DENND4C: variants seen among roughly 807,000 people sequenced by gnomAD.
The protein encoded by DENND4C is DENN domain-containing protein 4C.
Under a neutral mutation model 203.0 loss-of-function variants are expected in DENND4C, and 108 were observed. The observed-to-expected ratio is 0.53, with a 90% CI of 0.46 to 0.62. The LOEUF (loss-of-function observed/expected upper bound fraction) is 0.62, where lower values mean the gene tolerates loss of function less well. DENND4C is among the 20% of genes least tolerant of loss of function. The pLI is 0.00. For synonymous variants in DENND4C, 871 were observed against 792.4 expected (o/e 1.10, Z -1.67); for missense variants, 2,481 against 2,301.2 (o/e 1.08, Z -1.60).
chr9:19,287,518 C>G (rs1242519443), intron 3 of DENND4C, among the ~76,000 whole-genome samples: 4 of 151,978 alleles, frequency 2.6e-5, no homozygotes, highest in African/African-American at 7.2e-5. Context: ...GTAGCTGGGA[C>G]TACAGGATAG....
At chr9:19,371,206 T>C (rs1346377565) in intron 31 of DENND4C, among the ~76,000 whole-genome samples, 1 of 152,234 alleles carries the variant, frequency 6.6e-6, no homozygotes, top group African/African-American at 2.4e-5. Context: ...TTTTAGTGTT[T>C]CATTTGTAAC....
chr9:19,275,704 C>G (rs1483373999), intron 1 of DENND4C, among the ~76,000 whole-genome samples: 1 of 152,022 alleles, frequency 6.6e-6, no homozygotes, highest in Non-Finnish European at 1.5e-5. Flanking sequence ...CTCCTGACCT[C>G]AGGTGATCCA....
intron 1 of DENND4C, among the ~76,000 whole-genome samples, chr9:19,239,835 T>G (rs912482735): frequency 6.6e-6 from 1 of 152,204 alleles, no homozygotes; most frequent in African/African-American, 2.4e-5. Context: ...GTCCAGCATA[T>G]GGTTTATCTT....
At position 19,249,419 on chromosome 9, in the gene DENND4C, A is replaced by T. The variant is rs556510058; in HGVS notation, c.-18+18586A>T. ...AGGTGCCTGCCACCATGCCCGGCTA[A>T]TTTTTTTTGTATTTTTAGTAGAGAC... On this transcript the variant is annotated intron_variant, in intron 1 of 32. Transcript: ENST00000434457. 2.0e-5 allele frequency among the ~76,000 whole-genome samples: 3 copies of T among 151,182 alleles called. No individual in the cohort carries two copies. The South Asian group carries it at 6.3e-4, about 32-fold the overall frequency.
intron 10 of DENND4C, among the ~76,000 whole-genome samples, chr9:19,316,078 A>G (rs528958195): frequency 2.0e-5 from 3 of 152,324 alleles, no homozygotes; most frequent in South Asian, 4.1e-4. Context: ...TTTGAAGCCT[A>G]CCAGTAGGTA....
At chr9:19,250,164 A>C (rs1826205349) in intron 1 of DENND4C, among the ~76,000 whole-genome samples, 1 of 152,068 alleles carries the variant, frequency 6.6e-6, no homozygotes, top group Admixed American at 6.6e-5. Flanking sequence ...CATGGCTGAC[A>C]TACCCAAGTG....
rs1828974039 is a variant in DENND4C, at chr9:19,372,236, C to G, written c.*63C>G. The stretch of plus-strand genomic sequence containing the variant: ...GGATTAGATTTCATCTGGAAACATT[C>G]AAGTTTTTTTTTCCAAATCGTAAGA... On this transcript the variant is annotated 3_prime_UTR_variant, in exon 33 of 33. Coordinates refer to ENST00000434457, the MANE Select transcript of DENND4C (RefSeq NM_001330640.2). 1.9e-6 allele frequency: 3 copies of G among 1,548,438 alleles called. No individual in the cohort carries two copies. The highest frequency in any genetic ancestry group is 1.7e-6 in the Non-Finnish European group (2 of 1,147,998).
chr9:19,295,959 T>A (rs1837379026), intron 5 of DENND4C, 49 bp from the exon 6 acceptor site: 3 of 1,402,586 alleles, frequency 2.1e-6, no homozygotes, highest in Middle Eastern at 1.8e-4. Context: ...GAGAAGTTAA[T>A]TTTTTCAAAC....
intron 9 of DENND4C, among the ~76,000 whole-genome samples, chr9:19,304,923 T>A (rs1016616128): frequency 3.6e-4 from 54 of 151,286 alleles, no homozygotes; most frequent in African/African-American, 1.0e-3. Context: ...TTTTTTTTTT[T>A]AAATCCTGGA....
chr9:19,315,503 A>G (rs1209640298), intron 10 of DENND4C, among the ~76,000 whole-genome samples: 2 of 150,964 alleles, frequency 1.3e-5, no homozygotes, highest in African/African-American at 4.9e-5. Flanking sequence ...ATATATATAT[A>G]TACATGTATG....
rs1829070365 is a variant in DENND4C at position 19,372,875 on chromosome 9, A to AAAAAAAG, written c.*707_*708insAGAAAAA. The AAAAAAAG allele has an allele frequency of 6.6e-6, 1 of 152,210 alleles. No homozygotes were observed. Among genetic ancestry groups the AAAAAAAG allele is most frequent in the Non-Finnish European group, 1.5e-5 (1 of 68,276 alleles). The allele number at this position is 152,210 out of a possible 1,614,324, so 9.4% of individuals were successfully genotyped here. The stretch of plus-strand genomic sequence containing the variant: ...GACCGTCTCAAAAAAAAAAAAAAAA[A>AAAAAAAG]AAAAAGAGAGCAACATATTTGTGTA... On this transcript the variant is annotated 3_prime_UTR_variant, in exon 33 of 33. Transcript: ENST00000434457.
chr9:19,266,904 G>A (rs754048515), intron 1 of DENND4C, among the ~76,000 whole-genome samples: 1 of 152,106 alleles, frequency 6.6e-6, no homozygotes, highest in Non-Finnish European at 1.5e-5. Context: ...TACCATTCAG[G>A]ACATAGGTAT....
At chr9:19,234,842 C>A (rs1320368673) in intron 1 of DENND4C, among the ~76,000 whole-genome samples, 1 of 151,400 alleles carries the variant, frequency 6.6e-6, no homozygotes, top group African/African-American at 2.4e-5. Flanking sequence ...TTGTCTGACC[C>A]ATACTTTTTT....
intron 9 of DENND4C, among the ~76,000 whole-genome samples, chr9:19,300,915 T>C (rs112924322): frequency 0.079 from 11,954 of 152,192 alleles, 1,520 homozygotes; most frequent in African/African-American, 0.27. Context: ...CATGGTGGCT[T>C]ACACCTGTAA....
chr9:19,320,302 GA>G (rs779135432), intron 12 of DENND4C, among the ~76,000 whole-genome samples: 129 of 152,006 alleles, frequency 8.5e-4, no homozygotes, highest in Middle Eastern at 3.4e-3. Flanking sequence ...AGGCTCAAGT[GA>G]TTCTCCCGCC....
At chr9:19,351,731 T>G (rs1157639483) in intron 24 of DENND4C, among the ~76,000 whole-genome samples, 1 of 150,214 alleles carries the variant, frequency 6.7e-6, no homozygotes, top group African/African-American at 2.5e-5. Context: ...CACTTGAACC[T>G]GGGAGGCAGA....
chr9:19,374,256 A>G lies in DENND4C; in HGVS notation c.*2083A>G, dbSNP rs1210262821. 1.3e-5 allele frequency among the ~76,000 whole-genome samples: 2 copies of G among 152,186 alleles called. No homozygotes were observed. Among genetic ancestry groups the G allele is most frequent in the Admixed American group, 1.3e-4 (2 of 15,272 alleles). On this transcript the variant is annotated 3_prime_UTR_variant, in exon 33 of 33. Coordinates refer to ENST00000434457, the MANE Select transcript of DENND4C (RefSeq NM_001330640.2). Reference sequence around the variant, plus strand: ...ACTGACGCGCTTCCCATTAAAAAAAATCTGTAAAGATCTCTACCTTGAAAA... The same window carrying G: ...ACTGACGCGCTTCCCATTAAAAAAAGTCTGTAAAGATCTCTACCTTGAAAA...
chr9:19,352,662 C>T lies in DENND4C; in HGVS notation c.4778C>T (p.Ala1593Val), dbSNP rs1306168306. 6.3e-7 allele frequency: 1 copy of T among 1,589,054 alleles called. No individual in the cohort carries two copies. Among genetic ancestry groups the T allele is most frequent in the South Asian group, 1.1e-5 (1 of 87,484 alleles). ...GAATTCAAAGATTTGAGAGGTTCTG[C>T]AAGGTTAGTCTTATAAAAGCTCTCT... ...NIEFKDLRGS[A>V]SFFLKPSTSG... The change falls in exon 26 of 33, where the codon GCA (alanine) becomes GTA (valine). Residue 1593 changes from alanine (A) to valine (V), a missense_variant. By Grantham distance (64) the Ala-to-Val change is moderately conservative. This residue lies in a region of DENND4C where 2,289 missense variants were observed against 2,113.3 expected (regional missense o/e 1.08). Transcript: ENST00000434457.
At chr9:19,295,902 G>A in intron 5 of DENND4C, 106 bp from the exon 6 acceptor site, 1 of 844,462 alleles carries the variant, frequency 1.2e-6, no homozygotes, top group Non-Finnish European at 1.9e-6. Flanking sequence ...TAATTTATCT[G>A]TATAAGTGTA....
Sources: allele counts gnomAD v4.1 joint callset (sites outside exome capture counted in the v4.1 genomes callset), GRCh38; gene constraint gnomAD v4.1.1; regional missense constraint gnomAD v4.1.1; transcripts MANE v1.5; gene names NCBI Gene and HGNC (gene_info 2026-07-23, HGNC 2026-07-21).